Variants in SPPL3 observed in about 807,000 individuals in gnomAD.
SPPL3 encodes signal peptide peptidase-like 3.
Under a neutral mutation model 42.4 loss-of-function variants are expected in SPPL3, and 5 were observed. The observed-to-expected ratio is 0.12, with a 90% CI of 0.06 to 0.25. SPPL3 has a LOEUF of 0.25. Among genes scored for constraint, SPPL3 ranks in the 10% least tolerant of loss-of-function variants. SPPL3 has a pLI of 1.00. For missense variants in SPPL3, 235 were observed against 489.0 expected (o/e 0.48, Z 4.90); for synonymous variants, 195 against 181.8 (o/e 1.07, Z -0.58).
chr12:120,902,394 T>C (rs186131250), intron 1 of SPPL3, among the ~76,000 whole-genome samples: 1 of 152,358 alleles, frequency 6.6e-6, no homozygotes, highest in East Asian at 1.9e-4. Context: ...GTCTTCTACC[T>C]AAAACCATTC....
Position 120,840,940 on chromosome 12 carries a change from A to T in SPPL3, c.24-30054T>A, listed in dbSNP as rs954459202. Reference sequence around the variant, plus strand: ...GGGCAACAGAGTGAGACTCCATTTCATTCATTCATTCATTCATTCATTAAT... The same window carrying T: ...GGGCAACAGAGTGAGACTCCATTTCTTTCATTCATTCATTCATTCATTAAT... On this transcript the variant is annotated intron_variant, in intron 1 of 10. Coordinates refer to ENST00000353487, the MANE Select transcript of SPPL3 (RefSeq NM_139015.5). 1.2e-4 allele frequency among the ~76,000 whole-genome samples: 7 copies of T among 59,782 alleles called. No individual in the cohort carries two copies. The South Asian group carries it at 4.5e-3, about 39-fold the overall frequency. The allele number at this position is 59,782 out of a possible 152,430, so 39.2% of individuals were successfully genotyped here.
intron 1 of SPPL3, among the ~76,000 whole-genome samples, chr12:120,842,530 T>C (rs1471135350): frequency 6.6e-6 from 1 of 152,184 alleles, no homozygotes; most frequent in Non-Finnish European, 1.5e-5. Context: ...TAGGTAATTG[T>C]AAACAACAGA....
intron 1 of SPPL3, among the ~76,000 whole-genome samples, chr12:120,827,352 TA>T (rs1871259188): frequency 1.4e-5 from 2 of 141,294 alleles, no homozygotes; most frequent in Admixed American, 7.1e-5. Context: ...ATAATAATAA[TA>T]ATATAATAAT....
At chr12:120,800,048 G>A (rs958714175) in intron 2 of SPPL3, among the ~76,000 whole-genome samples, 4 of 152,172 alleles carry the variant, frequency 2.6e-5, no homozygotes, top group African/African-American at 4.8e-5. Flanking sequence ...AGAACAGTTC[G>A]CTGCATCTTC....
At chr12:120,774,910 A>G (rs886291515) in intron 6 of SPPL3, among the ~76,000 whole-genome samples, 6 of 152,002 alleles carry the variant, frequency 3.9e-5, no homozygotes, top group African/African-American at 1.2e-4. Flanking sequence ...GGGGGAAGTA[A>G]ATGATTAATC....
intron 1 of SPPL3, among the ~76,000 whole-genome samples, chr12:120,868,005 C>T (rs185196890): frequency 3.5e-4 from 53 of 152,234 alleles, no homozygotes; most frequent in Admixed American, 7.2e-4. Flanking sequence ...CCTTGGCCTC[C>T]CAAAATGCTG....
chr12:120,814,402 G>A (rs954076977), intron 1 of SPPL3, among the ~76,000 whole-genome samples: 13 of 152,078 alleles, frequency 8.5e-5, no homozygotes, highest in African/African-American at 2.9e-4. Context: ...GGCTGTCCAG[G>A]GTCCTCTTTT....
At chr12:120,826,271 C>G (rs535395341) in intron 1 of SPPL3, among the ~76,000 whole-genome samples, 18 of 111,346 alleles carry the variant, frequency 1.6e-4, no homozygotes, top group African/African-American at 6.5e-4. Context: ...CCAGCCTGGG[C>G]AACAAGATTG....
chr12:120,793,927 A>C (rs1020758974), intron 2 of SPPL3, among the ~76,000 whole-genome samples: 3 of 152,242 alleles, frequency 2.0e-5, no homozygotes, highest in Non-Finnish European at 4.4e-5. Context: ...AAATTGATTA[A>C]GAGTATTGTT....
chr12:120,805,623 T>C (rs954921695), intron 2 of SPPL3, among the ~76,000 whole-genome samples: 1 of 152,162 alleles, frequency 6.6e-6, no homozygotes, highest in Admixed American at 6.5e-5. Flanking sequence ...TAAGGAATCA[T>C]AGACAAAAAA....
intron 1 of SPPL3, among the ~76,000 whole-genome samples, chr12:120,876,016 AC>A (rs36042995): frequency 0.026 from 3,738 of 144,130 alleles, 104 homozygotes; most frequent in Middle Eastern, 0.052. Flanking sequence ...AAACAAACAG[AC>A]CCCCCCCACC....
intron 1 of SPPL3, among the ~76,000 whole-genome samples, chr12:120,859,742 G>A (rs942167320): frequency 3.3e-5 from 5 of 152,094 alleles, no homozygotes; most frequent in Admixed American, 2.6e-4. Context: ...TCAGGAGTTC[G>A]AAGCCAGCCT....
At chr12:120,796,138 G>C (rs948196441) in intron 2 of SPPL3, among the ~76,000 whole-genome samples, 3 of 152,162 alleles carry the variant, frequency 2.0e-5, no homozygotes, top group African/African-American at 7.2e-5. Context: ...CACTTTGGGA[G>C]GCTAAGGTGG....
chr12:120,798,887 G>A (rs773802569), intron 2 of SPPL3, among the ~76,000 whole-genome samples: 1 of 152,136 alleles, frequency 6.6e-6, no homozygotes, highest in Non-Finnish European at 1.5e-5. Context: ...TTTAACCCTA[G>A]GCACAGCTGC....
At chr12:120,787,841 C>T (rs1224871356) in intron 3 of SPPL3, among the ~76,000 whole-genome samples, 2 of 152,054 alleles carry the variant, frequency 1.3e-5, no homozygotes, top group East Asian at 1.9e-4. Flanking sequence ...TGAGAATTAT[C>T]CATGCTGTTT....
intron 1 of SPPL3, among the ~76,000 whole-genome samples, chr12:120,856,503 CTTTTTTTTTT>C (rs35137934): frequency 4.5e-5 from 4 of 89,202 alleles, no homozygotes; most frequent in East Asian, 7.5e-4. Flanking sequence ...CAATTTTCAT[CTTTTTTTTTT>C]TTTTTTTTTT....
chr12:120,778,336 C>T (rs1298056642), intron 6 of SPPL3, among the ~76,000 whole-genome samples: 1 of 151,858 alleles, frequency 6.6e-6, no homozygotes, highest in Non-Finnish European at 1.5e-5. Context: ...AGGCTGGTCT[C>T]GAACTCCTGA....
intron 1 of SPPL3, among the ~76,000 whole-genome samples, chr12:120,872,581 G>T (rs115225059): frequency 6.6e-6 from 1 of 152,280 alleles, no homozygotes; most frequent in African/African-American, 2.4e-5. Context: ...AGAAGCGGGG[G>T]CTGCATGCAG....
chr12:120,789,824 C>CAAAAAAAAAAAAAAAAAAAA (rs3050392), intron 3 of SPPL3, among the ~76,000 whole-genome samples: 2 of 30,464 alleles, frequency 6.6e-5, no homozygotes, highest in African/African-American at 2.2e-4. Context: ...GACTCCGTCT[C>CAAAAAAAAAAAAAAAAAAAA]AAAAAAAAAA....
Sources: gnomAD v4.1 joint callset for allele counts (sites outside exome capture counted in the v4.1 genomes callset) on GRCh38, gnomAD v4.1.1 for gene constraint, MANE v1.5 for transcripts, NCBI Gene and HGNC (gene_info 2026-07-23, HGNC 2026-07-21) for gene names.